Variants in KCNMA1 observed in about 807,000 individuals in gnomAD.
The protein encoded by KCNMA1 is potassium calcium-activated channel subfamily M alpha 1.
Under a neutral mutation model 140.0 loss-of-function variants are expected in KCNMA1, and 29 were observed. That is an observed-to-expected ratio of 0.21 (90% confidence interval 0.15 to 0.28). KCNMA1 has a LOEUF of 0.28. Ranked by LOEUF, KCNMA1 falls within the 10% of genes least tolerant of loss-of-function variation. The pLI is 1.00. For missense variants in KCNMA1, 880 were observed against 1,602.2 expected, an observed-to-expected ratio of 0.55 and a Z score of 7.70; for synonymous variants, 612 against 611.9, an observed-to-expected ratio of 1.00 and a Z score of 0.00.
chr10:77,513,247 G>A (rs1281921996), intron 1 of KCNMA1, among the ~76,000 whole-genome samples: 2 of 151,608 alleles, frequency 1.3e-5, no homozygotes, highest in African/African-American at 2.4e-5. Flanking sequence ...GTGCTACTAC[G>A]TGGAACGCTC....
chr10:77,097,722 G>A (rs1408434473), intron 9 of KCNMA1, among the ~76,000 whole-genome samples: 2 of 152,134 alleles, frequency 1.3e-5, no homozygotes, highest in African/African-American at 4.8e-5. Context: ...AAAAAAGGAG[G>A]TTCAGCAATA....
chr10:77,578,523 G>A (rs1420394789), intron 1 of KCNMA1, among the ~76,000 whole-genome samples: 2 of 152,214 alleles, frequency 1.3e-5, no homozygotes, highest in Admixed American at 1.3e-4. Context: ...CAACGAGGGA[G>A]GAGGACTCTG....
intron 29 of KCNMA1, among the ~76,000 whole-genome samples, chr10:76,879,519 A>T (rs1399238173): frequency 6.6e-6 from 1 of 152,112 alleles, no homozygotes; most frequent in Non-Finnish European, 1.5e-5. Context: ...GATGATCTAC[A>T]GCTTGCCAGA....
intron 14 of KCNMA1, among the ~76,000 whole-genome samples, chr10:77,047,346 AG>A (rs1246904347): frequency 2.6e-5 from 4 of 152,206 alleles, no homozygotes; most frequent in Non-Finnish European, 5.9e-5. Context: ...ATTATGAAAA[AG>A]AATCAACCCA....
rs145875965 is a variant in KCNMA1 at position 77,491,179 on chromosome 10, C to T, written c.379-87156G>A. ...TGATTCACTTTGTTTTCTTAACTTG[C>T]TCTTAAGATCCCACATTTCCTTTTG... On this transcript the variant is annotated intron_variant, in intron 1 of 27. Transcript: ENST00000286628. Among the ~76,000 whole-genome samples, 231 of 152,264 alleles carry T rather than the reference C, an allele frequency of 1.5e-3. 3 individuals are homozygous for T. The highest frequency in any genetic ancestry group is 3.1e-4 in the Non-Finnish European group (21 of 68,016).
chr10:77,327,574 C>G (rs964377279), intron 2 of KCNMA1, among the ~76,000 whole-genome samples: 2 of 152,094 alleles, frequency 1.3e-5, no homozygotes, highest in Non-Finnish European at 1.5e-5. Flanking sequence ...AGGCTGGTCT[C>G]GAACTCTTGA....
intron 1 of KCNMA1, among the ~76,000 whole-genome samples, chr10:77,501,894 A>G (rs918669810): frequency 6.6e-6 from 1 of 152,134 alleles, no homozygotes; most frequent in African/African-American, 2.4e-5. Flanking sequence ...CAGTTTTTCC[A>G]CTCATAAAGA....
intron 23 of KCNMA1, among the ~76,000 whole-genome samples, chr10:76,935,021 C>T (rs1233122289): frequency 1.3e-5 from 2 of 152,178 alleles, no homozygotes; most frequent in East Asian, 1.9e-4. Flanking sequence ...ACAAGAAAAA[C>T]AGAAAAGAAA....
intron 25 of KCNMA1, chr10:76,903,065 A>T (rs1019212045): frequency 3.3e-5 from 5 of 152,238 alleles, no homozygotes; most frequent in Non-Finnish European, 7.3e-5. Flanking sequence ...TGAGGAAACC[A>T]TGAAATGCCA....
intron 20 of KCNMA1, among the ~76,000 whole-genome samples, chr10:76,969,547 T>G (rs1281273794): frequency 2.0e-5 from 3 of 152,128 alleles, no homozygotes; most frequent in African/African-American, 4.8e-5. Context: ...TGATGATACA[T>G]CTCACATATG....
chr10:77,547,506 A>G (rs904017027), intron 1 of KCNMA1, among the ~76,000 whole-genome samples: 2 of 152,110 alleles, frequency 1.3e-5, no homozygotes, highest in Non-Finnish European at 2.9e-5. Context: ...CAGTAACCCA[A>G]ACTCACCCAA....
chr10:76,891,749 T>G, intron 25 of KCNMA1, 30 bp from the exon 26 acceptor site: 1 of 1,586,594 alleles, frequency 6.3e-7, no homozygotes, highest in Non-Finnish European at 8.6e-7. Flanking sequence ...GAGGGAAAAG[T>G]CCTTTAAGCA....
intron 2 of KCNMA1, among the ~76,000 whole-genome samples, chr10:77,302,027 C>T (rs542851229): frequency 7.2e-4 from 110 of 152,032 alleles, no homozygotes; most frequent in Non-Finnish European, 1.4e-3. Context: ...TAGGGGTGCG[C>T]CATGTCCTAC....
At chr10:77,510,477 G>T (rs1332102700) in intron 1 of KCNMA1, among the ~76,000 whole-genome samples, 3 of 152,076 alleles carry the variant, frequency 2.0e-5, no homozygotes, top group Non-Finnish European at 2.9e-5. Context: ...ACATAGTCCT[G>T]TTCTCTTCTC....
intron 2 of KCNMA1, among the ~76,000 whole-genome samples, chr10:77,374,144 T>C (rs547294367): frequency 6.6e-6 from 1 of 152,268 alleles, no homozygotes; most frequent in Admixed American, 6.5e-5. Flanking sequence ...AGACAAACCC[T>C]TCCCCAGGTG....
intron 19 of KCNMA1, chr10:76,974,615 T>C (rs2076970293): frequency 2.4e-5 from 31 of 1,317,936 alleles, no homozygotes; most frequent in African/African-American, 2.9e-5. Context: ...AATTAATCCA[T>C]AGTGAAATTT....
intron 2 of KCNMA1, among the ~76,000 whole-genome samples, chr10:77,377,635 C>T (rs1031140533): frequency 6.6e-6 from 1 of 152,164 alleles, no homozygotes; most frequent in Non-Finnish European, 1.5e-5. Context: ...CTCCTGACCC[C>T]AATCCTCTAA....
chr10:77,079,475 T>G lies in KCNMA1; in HGVS notation c.1593+6A>C, dbSNP rs1287507452. 6.2e-7 allele frequency: 1 copy of G among 1,606,142 alleles called. No homozygotes were observed. Among genetic ancestry groups the G allele is most frequent in the Non-Finnish European group, 8.5e-7 (1 of 1,173,096 alleles). On this transcript the variant is annotated splice_donor_region_variant and intron_variant, in intron 13 of 27. Transcript: ENST00000286628. ...TCAGACCTGGAGCGGGCTCTCGCAC[T>G]CCTACCTTGTTGTGATACTGCAGCA...
intron 29 of KCNMA1, chr10:76,877,932 G>T (rs1589342239): frequency 1.3e-6 from 2 of 1,587,350 alleles, no homozygotes; most frequent in East Asian, 2.3e-5. Context: ...AAGGAGAAAT[G>T]AGAAGTTTAA....
Sources: allele counts gnomAD v4.1 joint callset (sites outside exome capture counted in the v4.1 genomes callset), GRCh38; gene constraint gnomAD v4.1.1; transcripts MANE v1.5; gene names NCBI Gene and HGNC (gene_info 2026-07-23, HGNC 2026-07-21).